The following CEP128 variants were observed in gnomAD, a reference collection of about 807,000 sequenced individuals.
The protein encoded by CEP128 is centrosomal protein 128, also known as centrosomal protein 128kDa.
A neutral mutation model predicts 156.7 loss-of-function variants in CEP128; 132 were observed. The ratio of observed to expected loss-of-function variants is 0.84; its 90% CI spans 0.73 to 0.97. The LOEUF (loss-of-function observed/expected upper bound fraction) is 0.97. Ranked by LOEUF, CEP128 falls within the 50% of genes least tolerant of loss-of-function variation. CEP128 has a pLI of 0.00. For missense variants in CEP128, 1,252 were observed against 1,281.9 expected, an observed-to-expected ratio of 0.98 and a Z score of 0.36; for synonymous variants, 469 against 448.9, an observed-to-expected ratio of 1.04 and a Z score of -0.57.
intron 19 of CEP128, among the ~76,000 whole-genome samples, chr14:80,647,092 C>A (rs1388353440): frequency 9.7e-6 from 1 of 102,810 alleles, no homozygotes; most frequent in African/African-American, 3.5e-5. Flanking sequence ...TATATACACC[C>A]TTATAAATAC....
intron 2 of CEP128, among the ~76,000 whole-genome samples, chr14:80,935,800 T>C (rs886694409): frequency 1.3e-5 from 2 of 152,028 alleles, no homozygotes; most frequent in Admixed American, 1.3e-4. Flanking sequence ...AATTCAACAA[T>C]TAAATGGCCC....
chr14:80,887,627 C>T (rs1303681317), intron 8 of CEP128, among the ~76,000 whole-genome samples: 1 of 152,114 alleles, frequency 6.6e-6, no homozygotes, highest in Non-Finnish European at 1.5e-5. Context: ...ACAGCTAAAG[C>T]AGTGTTTAGA....
chr14:80,682,472 T>C (rs1325019361), intron 19 of CEP128, among the ~76,000 whole-genome samples: 1 of 152,222 alleles, frequency 6.6e-6, no homozygotes, highest in African/African-American at 2.4e-5. Flanking sequence ...CTAGGAATTA[T>C]TGGCATTCCT....
At position 80,810,323 on chromosome 14, in the gene CEP128, C is replaced by CAAAAAAA. The variant is rs71103883; in HGVS notation, c.1210-17220_1210-17214dup. Among the ~76,000 whole-genome samples, 37 of 15,202 alleles carry CAAAAAAA rather than the reference C, an allele frequency of 2.4e-3. 1 individual carries two copies. The highest frequency in any genetic ancestry group is 3.1e-3 in the Admixed American group (3 of 956). The allele number at this position is 15,202 out of a possible 152,430, so 10.0% of individuals were successfully genotyped here. On this transcript the variant is annotated intron_variant, in intron 13 of 24. Coordinates refer to ENST00000555265, the MANE Select transcript of CEP128 (RefSeq NM_152446.5). ...GGGCGACAGAGCAAGACTCCATCTC[C>CAAAAAAA]AAAAAAAAAAAAAAAAAAAAAAAAA... is the stretch of plus-strand genomic sequence containing the variant.
intron 14 of CEP128, among the ~76,000 whole-genome samples, chr14:80,789,814 G>C (rs1042064052): frequency 1.4e-5 from 2 of 145,926 alleles, no homozygotes; most frequent in East Asian, 4.0e-4. Flanking sequence ...ACGCAGTTTG[G>C]TTTTTTTTTT....
intron 20 of CEP128, among the ~76,000 whole-genome samples, chr14:80,564,700 C>T (rs1010500096): frequency 2.0e-5 from 3 of 152,124 alleles, no homozygotes; most frequent in African/African-American, 4.8e-5. Flanking sequence ...CGCCCTTTCC[C>T]AAAAAGACCT....
intron 14 of CEP128, among the ~76,000 whole-genome samples, chr14:80,791,998 G>A (rs1901732102): frequency 1.3e-5 from 2 of 152,030 alleles, no homozygotes; most frequent in African/African-American, 4.8e-5. Context: ...GATAAACCAA[G>A]AATAAACATG....
intron 16 of CEP128, among the ~76,000 whole-genome samples, chr14:80,769,948 CT>C (rs1301559991): frequency 2.6e-5 from 4 of 152,198 alleles, no homozygotes; most frequent in Non-Finnish European, 4.4e-5. Context: ...TTCATGTTGC[CT>C]ATTCCATCGG....
intron 10 of CEP128, among the ~76,000 whole-genome samples, chr14:80,839,426 A>G (rs1566662908): frequency 6.6e-6 from 1 of 152,180 alleles, no homozygotes; most frequent in Non-Finnish European, 1.5e-5. Flanking sequence ...CCTTGTGGTG[A>G]TAGAACAGTT....
At chr14:80,691,280 G>C (rs1239021516) in intron 19 of CEP128, among the ~76,000 whole-genome samples, 1 of 152,206 alleles carries the variant, frequency 6.6e-6, no homozygotes, top group African/African-American at 2.4e-5. Flanking sequence ...AAAAACAAAT[G>C]ATATTAATCA....
intron 19 of CEP128, among the ~76,000 whole-genome samples, chr14:80,663,786 T>C (rs1226776613): frequency 6.6e-6 from 1 of 152,218 alleles, no homozygotes; most frequent in African/African-American, 2.4e-5. Flanking sequence ...AGAGCCCAAT[T>C]ATAATCACAG....
At chr14:80,728,632 A>C (rs1898109757) in intron 19 of CEP128, among the ~76,000 whole-genome samples, 1 of 152,114 alleles carries the variant, frequency 6.6e-6, no homozygotes, top group Admixed American at 6.6e-5. Context: ...TTTAATTTGA[A>C]CCTGAGAAGT....
intron 19 of CEP128, among the ~76,000 whole-genome samples, chr14:80,665,379 CA>C (rs1895572227): frequency 6.6e-6 from 1 of 152,122 alleles, no homozygotes; most frequent in Admixed American, 6.5e-5. Context: ...GGAGAAAAGG[CA>C]TAAGGCAGAG....
At chr14:80,486,583 T>G (rs999041373), downstream of CEP128, among the ~76,000 whole-genome samples, 2 of 151,904 alleles carry the variant, frequency 1.3e-5, no homozygotes, top group Non-Finnish European at 2.9e-5. Flanking sequence ...TCACCAAAGT[T>G]GAAATGAAGG....
At chr14:80,629,922 T>C (rs1160856245) in intron 19 of CEP128, among the ~76,000 whole-genome samples, 2 of 152,006 alleles carry the variant, frequency 1.3e-5, no homozygotes, top group African/African-American at 2.4e-5. Context: ...TGAATGTATA[T>C]AAGTCATGTG....
chr14:80,660,524 A>G (rs886277935), intron 19 of CEP128, among the ~76,000 whole-genome samples: 5 of 152,158 alleles, frequency 3.3e-5, no homozygotes, highest in African/African-American at 1.2e-4. Flanking sequence ...ATATAAATAC[A>G]GCCTACATCA....
At chr14:80,482,529 CATTATGGT>C (rs1887076225) in intron 14 of CEP128, among the ~76,000 whole-genome samples, 3 of 152,306 alleles carry the variant, frequency 2.0e-5, no homozygotes, top group South Asian at 2.1e-4. Flanking sequence ...CATCAAGTTG[CATTATGGT>C]ATCTATACTA....
intron 21 of CEP128, among the ~76,000 whole-genome samples, chr14:80,553,089 T>TC (rs1890279176): frequency 1.3e-5 from 2 of 151,872 alleles, no homozygotes; most frequent in Non-Finnish European, 1.5e-5. Flanking sequence ...CTTTCTTTTT[T>TC]TTAATTATAC....
At position 80,760,095 on chromosome 14, in the gene CEP128, A is replaced by G. The variant is rs1267888219; in HGVS notation, c.2553+1342T>C. ...AAAATTAGGATTTTCAAGGCTCCAC[A>G]TTCATTAAATAAACGCAAATATGAC... On this transcript the variant is annotated intron_variant, in intron 17 of 24. Transcript: ENST00000555265. Among the ~76,000 whole-genome samples, 13 of 151,970 alleles carry G rather than the reference A, an allele frequency of 8.6e-5. 1 individual carries two copies. Among genetic ancestry groups the G allele is most frequent in the Admixed American group, 8.5e-4 (13 of 15,254 alleles).
Sources: allele counts gnomAD v4.1 joint callset (sites outside exome capture counted in the v4.1 genomes callset), GRCh38; gene constraint gnomAD v4.1.1; transcripts MANE v1.5; gene names NCBI Gene and HGNC (gene_info 2026-07-23, HGNC 2026-07-21).